Variants in ROBO2 observed in about 807,000 individuals in gnomAD.
ROBO2 encodes roundabout homolog 2.
ROBO2 carries 53 observed loss-of-function variants against 160.8 expected under a neutral mutation model. The ratio of observed to expected loss-of-function variants is 0.33; its 90% CI spans 0.26 to 0.41. The LOEUF is 0.41. Ranked by LOEUF, ROBO2 falls within the 10% of genes least tolerant of loss-of-function variation. The pLI, the probability that ROBO2 is intolerant of heterozygous loss-of-function variation, is 1.00. For synonymous variants in ROBO2, 664 were observed against 611.7 expected (o/e 1.09, Z -1.26); for missense variants, 1,577 against 1,722.4 (o/e 0.92, Z 1.49).
chr3:76,329,674 C>G (rs575416124), intron 2 of ROBO2, among the ~76,000 whole-genome samples: 1 of 152,188 alleles, frequency 6.6e-6, no homozygotes, highest in African/African-American at 2.4e-5. Flanking sequence ...TTTTGGCACG[C>G]TCAGCAAGAA....
At chr3:77,270,331 T>A (rs1226672570) in intron 2 of ROBO2, among the ~76,000 whole-genome samples, 7 of 152,202 alleles carry the variant, frequency 4.6e-5, no homozygotes, top group Non-Finnish European at 8.8e-5. Context: ...ATATCAACAT[T>A]GTCAATGAGA....
intron 2 of ROBO2, among the ~76,000 whole-genome samples, chr3:76,726,546 T>C (rs1350254413): frequency 2.0e-5 from 3 of 152,182 alleles, no homozygotes; most frequent in Non-Finnish European, 4.4e-5. Flanking sequence ...GATACTTTTT[T>C]TCATGTCGAG....
intron 2 of ROBO2, among the ~76,000 whole-genome samples, chr3:77,220,364 A>C (rs1374672473): frequency 5.3e-5 from 8 of 152,116 alleles, no homozygotes; most frequent in African/African-American, 1.9e-4. Context: ...CCATACATAA[A>C]AATTACATTT....
intron 2 of ROBO2, among the ~76,000 whole-genome samples, chr3:76,325,696 A>G (rs1439023111): frequency 6.6e-6 from 1 of 151,730 alleles, no homozygotes; most frequent in Non-Finnish European, 1.5e-5. Context: ...AGTGCAAAAA[A>G]TAAGAATAAA....
intron 2 of ROBO2, among the ~76,000 whole-genome samples, chr3:77,029,702 T>C (rs1191192257): frequency 6.6e-6 from 1 of 152,226 alleles, no homozygotes; most frequent in Non-Finnish European, 1.5e-5. Context: ...TAAATTTTGA[T>C]ATGATCCTTA....
intron 2 of ROBO2, among the ~76,000 whole-genome samples, chr3:77,280,848 G>A (rs2060195621): frequency 6.6e-6 from 1 of 152,010 alleles, no homozygotes; most frequent in African/African-American, 2.4e-5. Context: ...ACACTCATGT[G>A]GACACTGATT....
intron 2 of ROBO2, among the ~76,000 whole-genome samples, chr3:76,295,454 G>T (rs1438987041): frequency 6.6e-6 from 1 of 151,976 alleles, no homozygotes; most frequent in Non-Finnish European, 1.5e-5. Context: ...TGCAAACAAA[G>T]AATTGCAGTA....
chr3:76,981,743 A>C (rs2060110148), intron 2 of ROBO2, among the ~76,000 whole-genome samples: 1 of 152,182 alleles, frequency 6.6e-6, no homozygotes, highest in Non-Finnish European at 1.5e-5. Context: ...CATAGTGCTG[A>C]CATCAGCTTG....
chr3:76,693,677 C>T (rs1440524805), intron 2 of ROBO2, among the ~76,000 whole-genome samples: 1 of 152,056 alleles, frequency 6.6e-6, no homozygotes, highest in Non-Finnish European at 1.5e-5. Context: ...CTCTCAATCT[C>T]TCAGCCTGAG....
intron 2 of ROBO2, among the ~76,000 whole-genome samples, chr3:75,982,572 C>A (rs1396872676): frequency 2.6e-5 from 4 of 151,320 alleles, no homozygotes. Flanking sequence ...TTAATGTGTT[C>A]TTTTAATAAT....
chr3:76,304,255 G>A (rs562649183), intron 2 of ROBO2, among the ~76,000 whole-genome samples: 1 of 152,210 alleles, frequency 6.6e-6, no homozygotes, highest in South Asian at 2.1e-4. Flanking sequence ...GAGCTAGAAA[G>A]GATGTATACG....
At chr3:76,999,665 G>A (rs552931745) in intron 2 of ROBO2, among the ~76,000 whole-genome samples, 14 of 152,230 alleles carry the variant, frequency 9.2e-5, no homozygotes, top group Middle Eastern at 3.4e-3. Flanking sequence ...AGCAAGAAAT[G>A]TGTGTCAAGA....
intron 2 of ROBO2, among the ~76,000 whole-genome samples, chr3:76,748,432 T>A (rs2093927655): frequency 6.6e-6 from 1 of 151,662 alleles, no homozygotes; most frequent in African/African-American, 2.4e-5. Context: ...TATATAAAAA[T>A]GCATATTGAA....
intron 13 of ROBO2, among the ~76,000 whole-genome samples, chr3:77,569,397 G>A (rs1298798615): frequency 6.6e-6 from 1 of 151,690 alleles, no homozygotes; most frequent in Non-Finnish European, 1.5e-5. Context: ...ATATAATTGT[G>A]GTTTTGATTT....
At chr3:77,573,913 C>G (rs1198205195) in intron 13 of ROBO2, among the ~76,000 whole-genome samples, 1 of 151,786 alleles carries the variant, frequency 6.6e-6, no homozygotes, top group Non-Finnish European at 1.5e-5. Context: ...TACCTTCTAC[C>G]TGGACTCCAT....
chr3:76,095,749 GACACACAC>G (rs59290141), intron 2 of ROBO2, among the ~76,000 whole-genome samples: 5,262 of 148,010 alleles, frequency 0.036, 124 homozygotes, highest in Non-Finnish European at 0.037. Context: ...TAGTATGCTT[GACACACAC>G]ACACACACAC....
intron 2 of ROBO2, among the ~76,000 whole-genome samples, chr3:76,545,911 A>C (rs17800491): frequency 6.6e-6 from 1 of 151,916 alleles, no homozygotes; most frequent in East Asian, 1.9e-4. Flanking sequence ...CGAAAACAGT[A>C]TATTTCCATG....
intron 23 of ROBO2, chr3:77,632,863 T>G (rs951231251): frequency 2.0e-5 from 8 of 397,618 alleles, no homozygotes; most frequent in Non-Finnish European, 3.1e-5. Flanking sequence ...CAACACTTTC[T>G]CTTATTTTCC....
At chr3:77,636,963 A>G (rs756320981) in intron 24 of ROBO2, among the ~76,000 whole-genome samples, 12 of 152,238 alleles carry the variant, frequency 7.9e-5, no homozygotes, top group Non-Finnish European at 1.6e-4. Flanking sequence ...TAAAGTGTGT[A>G]GTACAATGTC....
Sources: allele counts gnomAD v4.1 joint callset (sites outside exome capture counted in the v4.1 genomes callset), GRCh38; gene constraint gnomAD v4.1.1; transcripts MANE v1.5; gene names NCBI Gene and HGNC (gene_info 2026-07-23, HGNC 2026-07-21).